The following HPSE2 variants were observed in gnomAD, a reference collection of about 807,000 sequenced individuals.
HPSE2 encodes the protein inactive heparanase-2.
Under a neutral mutation model 60.5 loss-of-function variants are expected in HPSE2, and 38 were observed. The observed-to-expected ratio is 0.63, with a 90% CI of 0.48 to 0.82. The LOEUF is 0.82. Among genes scored for constraint, HPSE2 ranks in the 40% least tolerant of loss-of-function variants. The pLI is 0.00. For missense variants in HPSE2, 713 were observed against 740.4 expected, an observed-to-expected ratio of 0.96 and a Z score of 0.43; for synonymous variants, 295 against 293.2, an observed-to-expected ratio of 1.01 and a Z score of -0.06.
intron 2 of HPSE2, among the ~76,000 whole-genome samples, chr10:99,214,747 G>GA (rs1003002041): frequency 1.5e-4 from 22 of 145,250 alleles, no homozygotes; most frequent in South Asian, 4.4e-4. Flanking sequence ...AAATTTACAA[G>GA]AAAAAAAAAA....
Position 98,935,234 on chromosome 10 carries a change from C to T in HPSE2, c.611-191178G>A, listed in dbSNP as rs1954754851. Among the ~76,000 whole-genome samples, 2 of 142,584 alleles carry T rather than the reference C, an allele frequency of 1.4e-5. 1 individual carries two copies. The highest frequency in any genetic ancestry group is 5.8e-5 in the African/African-American group (2 of 34,608). 93.5% of individuals were successfully genotyped at this position (142,584 alleles called of 152,430 possible). A position where few individuals can be genotyped will look rare whatever the true frequency, so the allele number is the denominator to read the frequency against. ...TCTTTGCATTGGGTTAGAATATAAT[C>T]CTTTAGCTCAATAAAATTTGTTATT... On this transcript the variant is annotated intron_variant, in intron 3 of 11. Transcript: ENST00000370552.
intron 9 of HPSE2, among the ~76,000 whole-genome samples, chr10:98,571,284 G>A (rs1031129362): frequency 4.6e-5 from 7 of 152,156 alleles, no homozygotes; most frequent in East Asian, 1.9e-4. Flanking sequence ...CAGGAGTATC[G>A]CTTGAGGTCA....
At position 98,891,740 on chromosome 10, in the gene HPSE2, G is replaced by A. The variant is rs2134936125; in HGVS notation, c.611-147684C>T. Among the ~76,000 whole-genome samples the A allele has an allele frequency of 2.0e-5, 3 of 152,206 alleles. No homozygotes were observed. In the Middle Eastern group the frequency reaches 0.01, roughly 518 times the overall value. ...CAAAGCATTGAGATTACAGGCATGAGCCACCACACCTGGATAACAGTTAAA... is the reference window on the plus strand; with the variant it reads ...CAAAGCATTGAGATTACAGGCATGAACCACCACACCTGGATAACAGTTAAA... On this transcript the variant is annotated intron_variant, in intron 3 of 11. Transcript: ENST00000370552.
intron 9 of HPSE2, among the ~76,000 whole-genome samples, chr10:98,566,358 G>C (rs1944344779): frequency 6.6e-6 from 1 of 152,164 alleles, no homozygotes; most frequent in Non-Finnish European, 1.5e-5. Context: ...TTTTAACTGA[G>C]TTGTTTTGGA....
chr10:98,943,759 A>T (rs1282994546), intron 3 of HPSE2, among the ~76,000 whole-genome samples: 1 of 152,206 alleles, frequency 6.6e-6, no homozygotes, highest in Admixed American at 6.5e-5. Context: ...ACAGCTAGAT[A>T]GGAACTGAGG....
chr10:99,005,312 C>T (rs1376587986), intron 3 of HPSE2, among the ~76,000 whole-genome samples: 1 of 152,038 alleles, frequency 6.6e-6, no homozygotes, highest in Non-Finnish European at 1.5e-5. Context: ...TACATTGTCC[C>T]ATAAATTCTG....
intron 9 of HPSE2, among the ~76,000 whole-genome samples, chr10:98,595,936 T>C (rs990230977): frequency 6.6e-6 from 1 of 152,240 alleles, no homozygotes; most frequent in Non-Finnish European, 1.5e-5. Flanking sequence ...GTCATATGCT[T>C]TTTCTACATC....
chr10:98,567,219 T>C (rs372148401), intron 9 of HPSE2, among the ~76,000 whole-genome samples: 43 of 152,178 alleles, frequency 2.8e-4, no homozygotes, highest in African/African-American at 1.0e-3. Context: ...CAGGATGAGG[T>C]GTAAGGCAGG....
chr10:98,569,352 C>T (rs896903852), intron 9 of HPSE2, among the ~76,000 whole-genome samples: 3 of 152,244 alleles, frequency 2.0e-5, no homozygotes, highest in South Asian at 2.1e-4. Flanking sequence ...TGAGCCACTG[C>T]GCCTGGCCAG....
At chr10:98,488,619 A>G (rs753204152) in intron 10 of HPSE2, among the ~76,000 whole-genome samples, 2 of 152,214 alleles carry the variant, frequency 1.3e-5, no homozygotes, top group African/African-American at 2.4e-5. Flanking sequence ...ACAGACTGAT[A>G]TGCTTTCCAA....
the HPSE2 span, among the ~76,000 whole-genome samples, chr10:99,302,067 G>A: frequency 6.6e-6 from 1 of 151,928 alleles, no homozygotes; most frequent in Non-Finnish European, 1.5e-5. Context: ...GTGGTTTACA[G>A]AGAAGAGTAG....
intron 3 of HPSE2, among the ~76,000 whole-genome samples, chr10:99,089,652 T>C (rs761348099): frequency 7.9e-5 from 12 of 152,182 alleles, no homozygotes; most frequent in Middle Eastern, 3.2e-3. Flanking sequence ...TTTAGCTATC[T>C]GAGCTCTTTT....
chr10:98,930,336 T>A (rs1954609271), intron 3 of HPSE2, among the ~76,000 whole-genome samples: 1 of 144,396 alleles, frequency 6.9e-6, no homozygotes, highest in African/African-American at 2.8e-5. Flanking sequence ...TATGGCTGCA[T>A]AGTATTTCAT....
intron 3 of HPSE2, among the ~76,000 whole-genome samples, chr10:98,943,935 T>G (rs1234109986): frequency 6.6e-6 from 1 of 152,200 alleles, no homozygotes; most frequent in Non-Finnish European, 1.5e-5. Context: ...GAAACTGAGA[T>G]GATGAATGTT....
At chr10:99,086,926 C>G (rs959240239) in intron 3 of HPSE2, among the ~76,000 whole-genome samples, 36 of 152,174 alleles carry the variant, frequency 2.4e-4, no homozygotes, top group African/African-American at 8.2e-4. Context: ...TCCAAAAGAT[C>G]CCTAGCAATT....
chr10:98,980,808 T>C (rs537829939), intron 3 of HPSE2, among the ~76,000 whole-genome samples: 1 of 152,328 alleles, frequency 6.6e-6, no homozygotes, highest in East Asian at 1.9e-4. Flanking sequence ...AATCTAATAT[T>C]ATTGCATAGC....
chr10:99,079,360 TTC>T (rs1843055026), intron 3 of HPSE2, among the ~76,000 whole-genome samples: 2 of 152,086 alleles, frequency 1.3e-5, no homozygotes, highest in Admixed American at 1.3e-4. Context: ...TCCACCTCGG[TTC>T]TCACTGGCCC....
In HPSE2 at chr10:99,117,417, G is replaced by GAAAAAAAAAAAAAAAAAAAAAAAAAA. The variant is rs1157232317; in HGVS notation, c.610+26795_610+26820dup. 6.9e-4 allele frequency among the ~76,000 whole-genome samples: 17 copies of GAAAAAAAAAAAAAAAAAAAAAAAAAA among 24,802 alleles called. 2 individuals carry two copies. Among genetic ancestry groups the GAAAAAAAAAAAAAAAAAAAAAAAAAA allele is most frequent in the South Asian group, 3.6e-3 (1 of 274 alleles). 16.3% of individuals were successfully genotyped at this position (24,802 alleles called of 152,430 possible). ...CAGCAAATCCAAGAGTTGTTTTTTT[G>GAAAAAAAAAAAAAAAAAAAAAAAAAA]AAAAAAAAAAAAAAAAAAAAAAAAA... On this transcript the variant is annotated intron_variant, in intron 3 of 11. Coordinates refer to ENST00000370552, the MANE Select transcript of HPSE2 (RefSeq NM_021828.5).
At chr10:99,085,340 G>C (rs1334769318) in intron 3 of HPSE2, among the ~76,000 whole-genome samples, 1 of 152,156 alleles carries the variant, frequency 6.6e-6, no homozygotes, top group Non-Finnish European at 1.5e-5. Context: ...TAACACCAAG[G>C]CCCAGTATGT....
Sources: gnomAD v4.1 joint callset for allele counts (sites outside exome capture counted in the v4.1 genomes callset) on GRCh38, gnomAD v4.1.1 for gene constraint, MANE v1.5 for transcripts, NCBI Gene and HGNC (gene_info 2026-07-23, HGNC 2026-07-21) for gene names.